The following CACNA1E variants were observed in gnomAD, a reference collection of about 807,000 sequenced individuals.
CACNA1E encodes voltage-dependent R-type calcium channel subunit alpha-1E.
CACNA1E carries 40 observed loss-of-function variants against 259.2 expected under a neutral mutation model. The observed-to-expected ratio is 0.15, with a 90% CI of 0.12 to 0.20. CACNA1E has a LOEUF of 0.20. Among genes scored for constraint, CACNA1E ranks in the 10% least tolerant of loss-of-function variants. CACNA1E has a pLI of 1.00. For missense variants in CACNA1E, 1,874 were observed against 3,040.1 expected, an observed-to-expected ratio of 0.62 and a Z score of 9.02; for synonymous variants, 1,104 against 1,138.5, an observed-to-expected ratio of 0.97 and a Z score of 0.61.
At chr1:181,518,538 G>A (rs1038431855) in intron 3 of CACNA1E, among the ~76,000 whole-genome samples, 1 of 152,206 alleles carries the variant, frequency 6.6e-6, no homozygotes, top group African/African-American at 2.4e-5. Flanking sequence ...AAGACAAAAT[G>A]TGAAGCTTAA....
Position 181,338,610 on chromosome 1 carries a change from G to C in CACNA1E, c.-15+20487G>C, listed in dbSNP as rs532678911. On this transcript the variant is annotated intron_variant, in intron 1 of 11. Coordinates refer to the CACNA1E transcript ENST00000524607. ...AATATTTTCTACCAATAAGTAGGCTGTCTTTTAATTTTGTTGGATTTTCCT... is the reference window on the plus strand; with the variant it reads ...AATATTTTCTACCAATAAGTAGGCTCTCTTTTAATTTTGTTGGATTTTCCT... Among the ~76,000 whole-genome samples the C allele has an allele frequency of 2.4e-4, 37 of 151,452 alleles. No homozygotes were observed. In the South Asian group the frequency reaches 7.5e-3, roughly 31 times the overall value.
intron 1 of CACNA1E, among the ~76,000 whole-genome samples, chr1:181,409,601 A>AG (rs1657701512): frequency 1.3e-5 from 2 of 152,166 alleles, no homozygotes; most frequent in South Asian, 4.1e-4. Flanking sequence ...TGGGGATTGG[A>AG]GGGGGAAGGC....
intron 1 of CACNA1E, among the ~76,000 whole-genome samples, chr1:181,368,363 C>T (rs1282646069): frequency 2.0e-5 from 3 of 150,018 alleles, no homozygotes; most frequent in Non-Finnish European, 4.4e-5. Context: ...CAAATGAAAA[C>T]TATTTTCGCA....
At chr1:181,701,387 T>G (rs1347254311) in intron 7 of CACNA1E, among the ~76,000 whole-genome samples, 6 of 151,968 alleles carry the variant, frequency 3.9e-5, no homozygotes, top group Non-Finnish European at 5.9e-5. Context: ...GGGGTGTAGA[T>G]GGAGGAGAAA....
rs575466395 is a variant in CACNA1E, at chr1:181,329,960, G to T, written c.-15+11837G>T. On this transcript the variant is annotated intron_variant, in intron 1 of 11. Transcript: ENST00000524607. The stretch of plus-strand genomic sequence containing the variant: ...GATACAGGTCCAAGGGAGTGGAGGG[G>T]AGTAGGGGAGAATGGGTCTTGCAGG... Among the ~76,000 whole-genome samples the T allele has an allele frequency of 2.6e-5, 4 of 152,296 alleles. No individual in the cohort carries two copies. The South Asian group carries it at 8.3e-4, about 32-fold the overall frequency.
At chr1:181,443,179 T>C (rs1447118058) in intron 2 of CACNA1E, among the ~76,000 whole-genome samples, 1 of 152,236 alleles carries the variant, frequency 6.6e-6, no homozygotes, top group Admixed American at 6.5e-5. Flanking sequence ...AAATCTCCAC[T>C]TTCTCTACTT....
Position 181,783,723 on chromosome 1 carries a change from C to G in CACNA1E, c.5409C>G (p.Val1803=), listed in dbSNP as rs375912191. The part of the protein sequence containing the change: ...MNMPVAEDMT[V]HFTSTLMALI... ...TGCCAGTAGCTGAGGACATGACGGT[C>G]CACTTCACCTCCACACTTATGGCTC... is the stretch of plus-strand genomic sequence containing the variant. The change falls in exon 40 of 48, where the codon GTC becomes GTG. Residue 1803 remains valine, a synonymous_variant. Transcript: ENST00000367573. 9 of 1,612,766 alleles carry G rather than the reference C, an allele frequency of 5.6e-6. No individual in the cohort carries two copies. Among genetic ancestry groups the G allele is most frequent in the Non-Finnish European group, 7.6e-6 (9 of 1,179,414 alleles).
chr1:181,596,292 A>G (rs1424521184), intron 6 of CACNA1E, among the ~76,000 whole-genome samples: 1 of 152,116 alleles, frequency 6.6e-6, no homozygotes, highest in Non-Finnish European at 1.5e-5. Flanking sequence ...TGCTTTTACA[A>G]TTTATAAATA....
intron 1 of CACNA1E, among the ~76,000 whole-genome samples, chr1:181,353,509 C>T (rs1299290607): frequency 6.6e-6 from 1 of 152,160 alleles, no homozygotes; most frequent in African/African-American, 2.4e-5. Flanking sequence ...TAGGAAAAAA[C>T]ATTGACAAGC....
intron 6 of CACNA1E, among the ~76,000 whole-genome samples, chr1:181,642,337 G>C (rs993962562): frequency 2.0e-5 from 3 of 152,042 alleles, no homozygotes; most frequent in Admixed American, 2.0e-4. Context: ...AGGGGAGAGG[G>C]GAACATCAGG....
chr1:181,588,680 G>A (rs896393866), intron 6 of CACNA1E, among the ~76,000 whole-genome samples: 6 of 152,184 alleles, frequency 3.9e-5, no homozygotes, highest in African/African-American at 1.4e-4. Context: ...ATAGCCATTA[G>A]GCTGGCTCAG....
chr1:181,741,038 C>G (rs1295187818), intron 25 of CACNA1E, among the ~76,000 whole-genome samples: 1 of 152,186 alleles, frequency 6.6e-6, no homozygotes, highest in African/African-American at 2.4e-5. Context: ...TTTAAAAGGT[C>G]AAGTTCCCTT....
intron 1 of CACNA1E, among the ~76,000 whole-genome samples, chr1:181,342,199 TC>T (rs548254329): frequency 6.3e-4 from 96 of 152,280 alleles, no homozygotes; most frequent in African/African-American, 2.3e-3. Flanking sequence ...CGTGGCATGT[TC>T]CAGAGGCTGG....
intron 7 of CACNA1E, among the ~76,000 whole-genome samples, chr1:181,688,946 C>T (rs926826632): frequency 2.0e-4 from 31 of 152,196 alleles, no homozygotes; most frequent in Admixed American, 1.9e-3. Flanking sequence ...AGCATAATGT[C>T]TTTGAGGTTC....
intron 7 of CACNA1E, 72 bp downstream of exon 7, chr1:181,651,513 T>C (rs545421402): frequency 1.9e-6 from 2 of 1,047,506 alleles, no homozygotes; most frequent in South Asian, 1.4e-5. Context: ...TCCTGACTCA[T>C]GGCAGATTCA....
chr1:181,392,519 C>A (rs1656372293), intron 1 of CACNA1E, among the ~76,000 whole-genome samples: 1 of 152,180 alleles, frequency 6.6e-6, no homozygotes, highest in South Asian at 2.1e-4. Context: ...GACAGGGAGT[C>A]ATTAAGTCTT....
At chr1:181,526,661 A>G (rs1667380811) in intron 3 of CACNA1E, among the ~76,000 whole-genome samples, 1 of 152,222 alleles carries the variant, frequency 6.6e-6, no homozygotes, top group African/African-American at 2.4e-5. Context: ...GGTTAGAGTT[A>G]TAACACAGGA....
chr1:181,563,645 A>G (rs1649537538), intron 3 of CACNA1E, among the ~76,000 whole-genome samples: 1 of 152,186 alleles, frequency 6.6e-6, no homozygotes, highest in African/African-American at 2.4e-5. Flanking sequence ...AGAAGGGGAA[A>G]AGGAAGCATC....
At chr1:181,585,828 C>T (rs922256572) in intron 6 of CACNA1E, among the ~76,000 whole-genome samples, 18 of 151,972 alleles carry the variant, frequency 1.2e-4, no homozygotes, top group African/African-American at 3.6e-4. Context: ...GTGAGTGAGG[C>T]GGAAAGTAGG....
Sources: gnomAD v4.1 joint callset for allele counts (sites outside exome capture counted in the v4.1 genomes callset) on GRCh38, gnomAD v4.1.1 for gene constraint, MANE v1.5 for transcripts, NCBI Gene and HGNC (gene_info 2026-07-23, HGNC 2026-07-21) for gene names.